ZWILCH: variants seen among roughly 807,000 people sequenced by gnomAD.
ZWILCH encodes protein zwilch homolog.
Under a neutral mutation model 79.9 loss-of-function variants are expected in ZWILCH, and 74 were observed. The ratio of observed to expected loss-of-function variants is 0.93; its 90% CI spans 0.77 to 1.12. The LOEUF is 1.12. Ranked by LOEUF, ZWILCH falls within the 50% of genes most tolerant of loss-of-function variation. The pLI, the probability that ZWILCH is intolerant of heterozygous loss-of-function variation, is 0.00. For synonymous variants in ZWILCH, 241 were observed against 228.2 expected, an observed-to-expected ratio of 1.06 and a Z score of -0.51; for missense variants, 694 against 687.5, an observed-to-expected ratio of 1.01 and a Z score of -0.11.
chr15:66,506,127 A>AC (rs1199961226), intron 1 of ZWILCH, among the ~76,000 whole-genome samples: 25 of 152,314 alleles, frequency 1.6e-4, no homozygotes, highest in African/African-American at 5.3e-4. Flanking sequence ...GTTGGGCATC[A>AC]CACTTTGAGA....
intron 14 of ZWILCH, among the ~76,000 whole-genome samples, chr15:66,533,663 CATTTT>C (rs1445512851): frequency 6.6e-6 from 1 of 152,022 alleles, no homozygotes; most frequent in East Asian, 1.9e-4. Flanking sequence ...AAATTTTAAA[CATTTT>C]ATTAAGGGCA....
intron 5 of ZWILCH, 90 bp downstream of exon 5, chr15:66,519,168 T>G (rs1045834243): frequency 1.1e-5 from 14 of 1,272,442 alleles, no homozygotes; most frequent in Admixed American, 1.8e-5. Flanking sequence ...GATATTGTTA[T>G]GATGAAAGTG....
At chr15:66,547,561 A>G (rs1426208634) in intron 18 of ZWILCH, 1 of 152,196 alleles carries the variant, frequency 6.6e-6, no homozygotes, top group Admixed American at 6.5e-5. Flanking sequence ...TTATTATAAA[A>G]AAGACGATAT....
intron 17 of ZWILCH, among the ~76,000 whole-genome samples, chr15:66,542,285 C>T (rs986841009): frequency 2.7e-5 from 4 of 150,864 alleles, no homozygotes; most frequent in Admixed American, 2.7e-4. Flanking sequence ...ACCATCTCTA[C>T]TAAAAAAATA....
chr15:66,521,279 C>T, intron 7 of ZWILCH, 74 bp downstream of exon 7: 1 of 1,535,008 alleles, frequency 6.5e-7, no homozygotes, highest in Non-Finnish European at 8.8e-7. Context: ...GTTGCTGGTG[C>T]TCCATGCCTC....
At position 66,523,677 on chromosome 15, in the gene ZWILCH, A is replaced by C. The variant is rs768953341; in HGVS notation, c.748A>C (p.Asn250His). 3 of 1,608,900 alleles carry C rather than the reference A, an allele frequency of 1.9e-6. No homozygotes were observed. Among genetic ancestry groups the C allele is most frequent in the Non-Finnish European group, 1.7e-6 (2 of 1,176,736 alleles). Residue 250 changes from asparagine to histidine, a missense_variant and splice_region_variant, in exon 8 of 19, where the codon AAT (asparagine) becomes CAT (histidine). Physicochemically the swap from Asn to His is moderately conservative, Grantham distance 68. Coordinates refer to ENST00000307897, the MANE Select transcript of ZWILCH (RefSeq NM_017975.5). ...IPPLSSTATL[N>H]IKVESGEPRG... is the part of the protein sequence containing the mutation. ...CTGACAGACTTTGGAAACTTTTTAGAATATTAAAGTGGAATCAGGAGAGCC... is the reference window on the plus strand; with the variant it reads ...CTGACAGACTTTGGAAACTTTTTAGCATATTAAAGTGGAATCAGGAGAGCC...
chr15:66,517,455 T>TATATATATATATAGAGAGAG (rs1180456312), intron 4 of ZWILCH, among the ~76,000 whole-genome samples: 1 of 115,206 alleles, frequency 8.7e-6, no homozygotes, highest in Non-Finnish European at 1.9e-5. Flanking sequence ...TATATATATA[T>TATATATATATATAGAGAGAG]AGTAATGTAC....
At chr15:66,519,500 G>A (rs565016887) in intron 5 of ZWILCH, among the ~76,000 whole-genome samples, 1 of 152,292 alleles carries the variant, frequency 6.6e-6, no homozygotes, top group African/African-American at 2.4e-5. Context: ...TGTCGCCCAG[G>A]TGGGAGTGCA....
rs1895531066 is a variant in ZWILCH at position 66,549,824 on chromosome 15, G to C, written c.*1500G>C. The C allele has an allele frequency of 7.6e-6, 3 of 392,704 alleles. No individual in the cohort carries two copies. Among genetic ancestry groups the C allele is most frequent in the African/African-American group, 6.3e-5 (3 of 47,636 alleles). 24.3% of individuals were successfully genotyped at this position (392,704 alleles called of 1,614,324 possible). A position where few individuals can be genotyped will look rare whatever the true frequency, so the allele number is the denominator to read the frequency against. On this transcript the variant is annotated 3_prime_UTR_variant, in exon 19 of 19. Coordinates refer to ENST00000307897, the MANE Select transcript of ZWILCH (RefSeq NM_017975.5). ...ATTCTGAAAGAATAAAACTTGAATG[G>C]ATAAAATGGATAAAATGTTTATCTT...
rs145952622 is a variant in ZWILCH at position 66,544,724 on chromosome 15, T to TTTTTTTTGTGTGTG, written c.1688-1866_1688-1865insTTTTTTGTGTGTGT. Reference sequence around the variant, plus strand: ...TGTTTTTTTGTTGTTTTTTTGGTTTTTGTGTGTGTGTGTGTGTGTGTGTGT... The same window carrying TTTTTTTTGTGTGTG: ...TGTTTTTTTGTTGTTTTTTTGGTTTTTTTTTTTGTGTGTGTGTGTGTGTGTGTGTGTGTGTGTGT... On this transcript the variant is annotated intron_variant, in intron 17 of 18. Transcript: ENST00000307897. 3.0e-4 allele frequency among the ~76,000 whole-genome samples: 39 copies of TTTTTTTTGTGTGTG among 128,534 alleles called. No individual in the cohort carries two copies. In the South Asian group the frequency reaches 5.7e-3, roughly 19 times the overall value. 84.3% of individuals were successfully genotyped at this position (128,534 alleles called of 152,430 possible).
At chr15:66,512,026 AAAT>A (rs934316024) in intron 2 of ZWILCH, among the ~76,000 whole-genome samples, 101 of 152,312 alleles carry the variant, frequency 6.6e-4, no homozygotes, top group African/African-American at 2.4e-3. Flanking sequence ...AATCTTAAGA[AAAT>A]AATTCAAAAG....
chr15:66,549,996 T>C lies in ZWILCH; in HGVS notation c.*1672T>C, dbSNP rs1429986256. ...ATTTTGAAAATGATATGTATAATTATTTAGTTTAATTATTAAAGGAAAACA... is the reference window on the plus strand; with the variant it reads ...ATTTTGAAAATGATATGTATAATTACTTAGTTTAATTATTAAAGGAAAACA... On this transcript the variant is annotated 3_prime_UTR_variant, in exon 19 of 19. Coordinates refer to ENST00000307897, the MANE Select transcript of ZWILCH (RefSeq NM_017975.5). The C allele has an allele frequency of 2.3e-6, 3 of 1,301,456 alleles. No individual in the cohort carries two copies. Among genetic ancestry groups the C allele is most frequent in the Non-Finnish European group, 2.1e-6 (2 of 938,976 alleles). 80.6% of individuals were successfully genotyped at this position (1,301,456 alleles called of 1,614,324 possible). A position where few individuals can be genotyped will look rare whatever the true frequency, so the allele number is the denominator to read the frequency against.
chr15:66,516,106 A>G (rs1216177698), intron 4 of ZWILCH, among the ~76,000 whole-genome samples: 2 of 152,228 alleles, frequency 1.3e-5, no homozygotes, highest in Non-Finnish European at 2.9e-5. Flanking sequence ...AATTGGAAAT[A>G]TAGGGGAGTA....
At chr15:66,544,723 TTTGTGTGTGTGTGTGTGTG>T (rs1895306324) in intron 17 of ZWILCH, among the ~76,000 whole-genome samples, 2 of 114,770 alleles carry the variant, frequency 1.7e-5, no homozygotes, top group Non-Finnish European at 3.6e-5. Flanking sequence ...TTTTTTGGTT[TTTGTGTGTGTGTGTGTGTG>T]TGTGTGTGTG....
intron 17 of ZWILCH, among the ~76,000 whole-genome samples, chr15:66,541,829 C>T (rs773588798): frequency 8.5e-5 from 13 of 152,110 alleles, no homozygotes; most frequent in Non-Finnish European, 1.2e-4. Flanking sequence ...ATTTCAAAGG[C>T]CTATACTGCT....
chr15:66,529,810 C>T (rs1369331068), intron 12 of ZWILCH, among the ~76,000 whole-genome samples: 2 of 152,208 alleles, frequency 1.3e-5, no homozygotes, highest in Admixed American at 1.3e-4. Context: ...CCATGTAATG[C>T]ACCTAGTGCC....
chr15:66,509,821 A>C (rs1036181753), intron 2 of ZWILCH, among the ~76,000 whole-genome samples: 1 of 51,622 alleles, frequency 1.9e-5, no homozygotes, highest in Non-Finnish European at 4.4e-5. Flanking sequence ...GTGTGTGGCT[A>C]CATATATATA....
intron 14 of ZWILCH, among the ~76,000 whole-genome samples, chr15:66,534,035 A>T (rs1426777666): frequency 6.6e-6 from 1 of 152,080 alleles, no homozygotes; most frequent in South Asian, 2.1e-4. Context: ...GAGCCGGGGA[A>T]GTTGAAGCTG....
intron 16 of ZWILCH, among the ~76,000 whole-genome samples, chr15:66,537,645 C>G (rs758416620): frequency 6.6e-6 from 1 of 151,962 alleles, no homozygotes; most frequent in Non-Finnish European, 1.5e-5. Context: ...GAGCCGAGAT[C>G]ATGCCATTGC....
Sources: allele counts gnomAD v4.1 joint callset (sites outside exome capture counted in the v4.1 genomes callset), GRCh38; gene constraint gnomAD v4.1.1; transcripts MANE v1.5; gene names NCBI Gene and HGNC (gene_info 2026-07-23, HGNC 2026-07-21).